PRAG1: variants seen among roughly 807,000 people sequenced by gnomAD.
The protein encoded by PRAG1 is PEAK1 related, kinase-activating pseudokinase 1.
PRAG1 carries 110 observed loss-of-function variants against 95.6 expected under a neutral mutation model. That is an observed-to-expected ratio of 1.15 (90% CI 0.99 to 1.35). The LOEUF (loss-of-function observed/expected upper bound fraction) is 1.35, where lower values mean the gene tolerates loss of function less well. PRAG1 is among the 40% of genes most tolerant of loss of function. The pLI, the probability that PRAG1 is intolerant of heterozygous loss-of-function variation, is 0.00. For synonymous variants in PRAG1, 1,052 were observed against 819.4 expected, an observed-to-expected ratio of 1.28 and a Z score of -4.85; for missense variants, 2,554 against 1,864.7, an observed-to-expected ratio of 1.37 and a Z score of -6.81.
Position 8,377,380 on chromosome 8 carries a change from A to AC in PRAG1, c.1028dup (p.Cys343TrpfsTer13). The AC allele has an allele frequency of 6.4e-7, 1 of 1,567,586 alleles. No homozygotes were observed. The highest frequency in any genetic ancestry group is 8.7e-7 in the Non-Finnish European group (1 of 1,154,518). On this transcript the variant is annotated frameshift_variant, in exon 3 of 6. Transcript: ENST00000615670. LOFTEE classifies it high-confidence loss of function. Reference sequence around the variant, plus strand: ...CGCTGCCGCTGCCGCTGCCGCTGCCACAAGAGAGGCCGTCGGAAGAAATGG... The same window carrying AC: ...CGCTGCCGCTGCCGCTGCCGCTGCCACCAAGAGAGGCCGTCGGAAGAAATGG...
At position 8,377,692 on chromosome 8, in the gene PRAG1, A is replaced by G. The variant is rs781544318; in HGVS notation, c.717T>C (p.Asp239=). The G allele has an allele frequency of 4.3e-6, 7 of 1,613,812 alleles. No homozygotes were observed. Among genetic ancestry groups the G allele is most frequent in the South Asian group, 1.1e-5 (1 of 91,070 alleles). Residue 239 remains aspartate (D), a synonymous_variant, in exon 3 of 6, where the codon GAT becomes GAC. Transcript: ENST00000615670. Reference sequence around the variant, plus strand: ...TGTCCCCGGAGGGCGAGCACCTTTGATCACTGTCATCCTCCGAGGGCAGGG... The same window carrying G: ...TGTCCCCGGAGGGCGAGCACCTTTGGTCACTGTCATCCTCCGAGGGCAGGG... ...RESLPSEDDS[D]QRCSPSGDSE...
At chr8:8,380,092 CA>C (rs1563259193) in intron 2 of PRAG1, among the ~76,000 whole-genome samples, 1 of 150,908 alleles carries the variant, frequency 6.6e-6, no homozygotes, top group Non-Finnish European at 1.5e-5. Flanking sequence ...CTATCTCCAC[CA>C]AAAAACAAAA....
rs56775625 is a variant in PRAG1 at position 8,339,407 on chromosome 8, G to A, written c.2320+71C>T. On this transcript the variant is annotated intron_variant, in intron 4 of 5. Transcript: ENST00000615670. ...GTCCTTGCTCAGCCCTTCCAATCCC[G>A]CAAGCAACGCAGGACTGGTCTTGAA... 372 of 1,515,564 alleles carry A rather than the reference G, an allele frequency of 2.5e-4. No homozygotes were observed. In the East Asian group the frequency reaches 6.2e-3, roughly 25 times the overall value. The allele number at this position is 1,515,564 out of a possible 1,614,324, so 93.9% of individuals were successfully genotyped here.
chr8:8,375,189 T>A (rs1046563126), intron 3 of PRAG1, among the ~76,000 whole-genome samples: 1 of 145,674 alleles, frequency 6.9e-6, no homozygotes, highest in African/African-American at 2.6e-5. Context: ...AACACAAAAC[T>A]ACATTTTTTT....
intron 4 of PRAG1, among the ~76,000 whole-genome samples, chr8:8,337,899 C>A (rs943286832): frequency 3.3e-5 from 5 of 152,126 alleles, no homozygotes; most frequent in Admixed American, 3.3e-4. Flanking sequence ...AGCTCATGTC[C>A]CATTTCCCCT....
intron 1 of PRAG1, among the ~76,000 whole-genome samples, chr8:8,383,393 A>G (rs193127431): frequency 3.3e-5 from 5 of 152,202 alleles, no homozygotes; most frequent in Non-Finnish European, 7.4e-5. Context: ...TAACACAGAG[A>G]CACTCTGTCT....
chr8:8,335,659 C>A (rs973903894), intron 4 of PRAG1, among the ~76,000 whole-genome samples: 1 of 152,110 alleles, frequency 6.6e-6, no homozygotes, highest in Admixed American at 6.5e-5. Context: ...ATAGCTCAGG[C>A]CACAGAAAAT....
intron 3 of PRAG1, among the ~76,000 whole-genome samples, chr8:8,371,175 G>C (rs566375435): frequency 6.7e-6 from 1 of 149,262 alleles, no homozygotes; most frequent in African/African-American, 2.5e-5. Context: ...CCCAAGAATA[G>C]ATTTAACCTC....
chr8:8,374,612 C>T (rs1384580541), intron 3 of PRAG1: 4 of 965,554 alleles, frequency 4.1e-6, no homozygotes, highest in East Asian at 1.2e-4. Context: ...AAATCCATCC[C>T]TGGCCCATAG....
intron 3 of PRAG1, among the ~76,000 whole-genome samples, chr8:8,349,369 C>G (rs1799447010): frequency 1.3e-5 from 2 of 152,072 alleles, no homozygotes; most frequent in Non-Finnish European, 1.5e-5. Context: ...CAAGATCTGC[C>G]TCCCGGGTTC....
At chr8:8,368,056 G>A (rs2116909683) in intron 3 of PRAG1, among the ~76,000 whole-genome samples, 1 of 152,278 alleles carries the variant, frequency 6.6e-6, no homozygotes, top group East Asian at 1.9e-4. Flanking sequence ...ATCACCACCA[G>A]CTATTTGTTT....
chr8:8,328,959 C>A (rs1224332291), intron 4 of PRAG1, among the ~76,000 whole-genome samples: 2 of 152,206 alleles, frequency 1.3e-5, no homozygotes, highest in South Asian at 4.1e-4. Context: ...ATTTAACCAT[C>A]CCTTTTTGAT....
At chr8:8,329,123 C>T (rs760175447) in intron 4 of PRAG1, among the ~76,000 whole-genome samples, 1 of 151,988 alleles carries the variant, frequency 6.6e-6, no homozygotes, top group Non-Finnish European at 1.5e-5. Context: ...CTGGGTGCGG[C>T]GGCTCATGCT....
chr8:8,349,729 A>AAT (rs1185051793), intron 3 of PRAG1, among the ~76,000 whole-genome samples: 1 of 152,106 alleles, frequency 6.6e-6, no homozygotes, highest in Non-Finnish European at 1.5e-5. Flanking sequence ...AGGATGCATA[A>AAT]ATATAGGAAA....
chr8:8,366,685 A>C (rs57583445), intron 3 of PRAG1, among the ~76,000 whole-genome samples: 51,813 of 151,652 alleles, frequency 0.34, 9,396 homozygotes, highest in East Asian at 0.63. Context: ...CTTTATTTTT[A>C]TCTTTTTTTT....
At position 8,377,901 on chromosome 8, in the gene PRAG1, G is replaced by A. The variant is rs755762447; in HGVS notation, c.508C>T (p.Arg170Cys). 49 of 1,613,954 alleles carry A rather than the reference G, an allele frequency of 3.0e-5. No individual in the cohort carries two copies. The highest frequency in any genetic ancestry group is 5.0e-5 in the Admixed American group (3 of 60,000). ...TMVGLHNLEPRGERNIAFHPV... is the reference protein window; with the variant it reads ...TMVGLHNLEPCGERNIAFHPV... Reference sequence around the variant, plus strand: ...TGGAAGGCAATGTTCCTCTCGCCGCGGGGCTCAAGGTTGTGCAGGCCGACC... The same window carrying A: ...TGGAAGGCAATGTTCCTCTCGCCGCAGGGCTCAAGGTTGTGCAGGCCGACC... The change falls in exon 3 of 6, where the codon CGC becomes TGC. Residue 170 changes from arginine to cysteine, a missense_variant. By Grantham distance (180) the Arg-to-Cys change is radical. Transcript: ENST00000615670.
chr8:8,352,982 A>G (rs2116871618), intron 3 of PRAG1, among the ~76,000 whole-genome samples: 1 of 152,362 alleles, frequency 6.6e-6, no homozygotes, highest in Non-Finnish European at 1.5e-5. Flanking sequence ...GAAGGGGATC[A>G]TTTAATAATA....
At chr8:8,363,835 T>C (rs557086096) in intron 3 of PRAG1, among the ~76,000 whole-genome samples, 4 of 152,338 alleles carry the variant, frequency 2.6e-5, no homozygotes, top group African/African-American at 9.6e-5. Flanking sequence ...ATATTTAATT[T>C]ATATTAAGTA....
chr8:8,322,324 G>A (rs1270211727), intron 5 of PRAG1, among the ~76,000 whole-genome samples: 1 of 152,076 alleles, frequency 6.6e-6, no homozygotes, highest in Non-Finnish European at 1.5e-5. Flanking sequence ...GGGATTACAG[G>A]TGCCTGCCAC....
Sources: allele counts gnomAD v4.1 joint callset (sites outside exome capture counted in the v4.1 genomes callset), GRCh38; gene constraint gnomAD v4.1.1; transcripts MANE v1.5; gene names NCBI Gene and HGNC (gene_info 2026-07-23, HGNC 2026-07-21).